PPP1R16A: variants seen among roughly 807,000 people sequenced by gnomAD.
PPP1R16A encodes myosin phosphatase-targeting subunit 3.
Under a neutral mutation model 46.6 loss-of-function variants are expected in PPP1R16A, and 39 were observed. The ratio of observed to expected loss-of-function variants is 0.84; its 90% CI spans 0.65 to 1.09. PPP1R16A has a LOEUF of 1.09. Ranked by LOEUF, PPP1R16A falls within the 50% of genes least tolerant of loss-of-function variation. PPP1R16A has a pLI of 0.00. For missense variants in PPP1R16A, 798 were observed against 735.6 expected (o/e 1.08, Z -0.98); for synonymous variants, 413 against 321.5 (o/e 1.28, Z -3.04).
At chr8:144,480,829 A>G (rs1237455455) in intron 1 of PPP1R16A, among the ~76,000 whole-genome samples, 1 of 151,638 alleles carries the variant, frequency 6.6e-6, no homozygotes, top group Non-Finnish European at 1.5e-5. Flanking sequence ...TGTAACTTAC[A>G]GTAAGATGCA....
intron 1 of PPP1R16A, chr8:144,478,585 G>A (rs1825270501): frequency 6.4e-6 from 1 of 156,332 alleles, no homozygotes; most frequent in Non-Finnish European, 1.4e-5. Context: ...TTCATTTTCA[G>A]ATGAGGAAAT....
rs1039226299 is a variant in PPP1R16A, at chr8:144,486,554, C to T, written c.-913-3480C>T. On this transcript the variant is annotated intron_variant, in intron 1 of 11. Transcript: ENST00000435887. The stretch of plus-strand genomic sequence containing the variant: ...TCCTCACATCCTTGCCGTTTGGATT[C>T]GTGGGCAGCGGTATCTCGCTGTGGC... Among the ~76,000 whole-genome samples the T allele has an allele frequency of 1.8e-4, 28 of 152,286 alleles. 1 individual carries two copies. The highest frequency in any genetic ancestry group is 1.6e-3 in the Admixed American group (25 of 15,296).
chr8:144,501,076 G>A, intron 10 of PPP1R16A, 53 bp from the exon 11 acceptor site: 1 of 1,578,062 alleles, frequency 6.3e-7, no homozygotes, highest in Non-Finnish European at 8.6e-7. Flanking sequence ...GGGGTGGGCG[G>A]GGTCCTCCGG....
At position 144,500,078 on chromosome 8, in the gene PPP1R16A, C is replaced by A. The variant is rs201966715; in HGVS notation, c.477-18C>A. The stretch of plus-strand genomic sequence containing the variant: ...GGGAAGGGCCTTGTGCCCAGCACCC[C>A]GTCCGTCTTCCCTGCAGTGGCGCCA... On this transcript the variant is annotated intron_variant, in intron 5 of 11. Coordinates refer to ENST00000435887, the MANE Select transcript of PPP1R16A (RefSeq NM_001329443.2). The A allele has an allele frequency of 6.3e-7, 1 of 1,594,420 alleles. No homozygotes were observed.
At position 144,501,699 on chromosome 8, in the gene PPP1R16A, C is replaced by T; in HGVS notation, c.1383C>T (p.Arg461=). Reference sequence around the variant, plus strand: ...ACCACACCCTGGCTGACCTGAAGCGCCAGCGAGCTGCTGCCAAGCTGCAGC... The same window carrying T: ...ACCACACCCTGGCTGACCTGAAGCGTCAGCGAGCTGCTGCCAAGCTGCAGC... The part of the protein sequence containing the change: ...KAHHTLADLK[R]QRAAAKLQRP... The change falls in exon 12 of 12, where the codon CGC becomes CGT. Residue 461 remains arginine, a synonymous_variant. Coordinates refer to ENST00000435887, the MANE Select transcript of PPP1R16A (RefSeq NM_001329443.2). 6.2e-7 allele frequency: 1 copy of T among 1,602,890 alleles called. No homozygotes were observed. Among genetic ancestry groups the T allele is most frequent in the South Asian group, 1.1e-5 (1 of 89,304 alleles).
At chr8:144,484,467 CTTCCCT>C (rs1297176499) in intron 1 of PPP1R16A, among the ~76,000 whole-genome samples, 1 of 152,236 alleles carries the variant, frequency 6.6e-6, no homozygotes, top group African/African-American at 2.4e-5. Flanking sequence ...CCTGCCCTCT[CTTCCCT>C]TTCTTTTGGT....
chr8:144,500,342 T>A lies in PPP1R16A; in HGVS notation c.656T>A (p.Leu219Gln). The A allele has an allele frequency of 6.5e-7, 1 of 1,536,500 alleles. No individual in the cohort carries two copies. Among genetic ancestry groups the A allele is most frequent in the Non-Finnish European group, 8.7e-7 (1 of 1,146,168 alleles). ...LRMLDDIRSR[L>Q]QAGADLHAPL... ...ATGCTGGACGACATCCGGAGCCGGC[T>A]GCAGGCCGGGGCAGACCTCCATGCC... Residue 219 changes from leucine to glutamine, a missense_variant, in exon 7 of 12, where the codon CTG (leucine) becomes CAG (glutamine). Leu to Gln is a moderately radical substitution (Grantham distance 113). Coordinates refer to ENST00000435887, the MANE Select transcript of PPP1R16A (RefSeq NM_001329443.2).
chr8:144,499,810 C>T (rs1446351035), intron 5 of PPP1R16A: 3 of 406,884 alleles, frequency 7.4e-6, no homozygotes, highest in Non-Finnish European at 1.4e-5. Context: ...TGCTCCCCAG[C>T]AGGCAGGCCC....
At chr8:144,494,083 G>T (rs989643283) in intron 2 of PPP1R16A, among the ~76,000 whole-genome samples, 1 of 152,174 alleles carries the variant, frequency 6.6e-6, no homozygotes, top group South Asian at 2.1e-4. Context: ...ATGGGCAACA[G>T]AACATCTTTT....
chr8:144,483,034 C>T (rs999663232), intron 1 of PPP1R16A, among the ~76,000 whole-genome samples: 1 of 151,516 alleles, frequency 6.6e-6, no homozygotes, highest in Non-Finnish European at 1.5e-5. Context: ...CCGCCCCCCT[C>T]AACTCCCAAA....
At chr8:144,483,159 C>T (rs1350452973) in intron 1 of PPP1R16A, among the ~76,000 whole-genome samples, 2 of 152,146 alleles carry the variant, frequency 1.3e-5, no homozygotes, top group East Asian at 1.9e-4. Flanking sequence ...GACAGAGTTA[C>T]GTTCTGTTCT....
chr8:144,494,278 T>C (rs1825947085), intron 2 of PPP1R16A, among the ~76,000 whole-genome samples: 1 of 151,680 alleles, frequency 6.6e-6, no homozygotes, highest in African/African-American at 2.4e-5. Flanking sequence ...CGCCGATCTT[T>C]TGTTCTGTAA....
chr8:144,490,629 G>A (rs1825776188), intron 2 of PPP1R16A, among the ~76,000 whole-genome samples: 1 of 152,204 alleles, frequency 6.6e-6, no homozygotes, highest in Non-Finnish European at 1.5e-5. Context: ...CACTCTGGCG[G>A]GACATCCAGC....
At chr8:144,498,706 A>C in intron 3 of PPP1R16A, 64 bp from the exon 4 acceptor site, 1 of 1,487,716 alleles carries the variant, frequency 6.7e-7, no homozygotes, top group Middle Eastern at 1.8e-4. Context: ...TCCTGGGCCG[A>C]AGCACAGTTG....
In PPP1R16A at chr8:144,501,753, T is replaced by G. The variant is rs1268861469; in HGVS notation, c.1437T>G (p.Pro479=). 1 of 1,571,828 alleles carries G rather than the reference T, an allele frequency of 6.4e-7. No homozygotes were observed. Among genetic ancestry groups the G allele is most frequent in the Non-Finnish European group, 8.6e-7 (1 of 1,159,532 alleles). Residue 479 remains proline (P), a synonymous_variant, in exon 12 of 12, where the codon CCT becomes CCG. Coordinates refer to ENST00000435887, the MANE Select transcript of PPP1R16A (RefSeq NM_001329443.2). ...CCCCACCTGAGGGGCCCGAGAGCCC[T>G]GAGACAGCTGAGCCTGGCCTGCCTG... ...QRPPPEGPES[P]ETAEPGLPGD... is the part of the protein sequence containing the mutation.
In PPP1R16A at chr8:144,501,804, CTG is replaced by C. The variant is rs1826511621; in HGVS notation, c.1491_1492del (p.Cys497TrpfsTer?). 2 of 1,556,368 alleles carry C rather than the reference CTG, an allele frequency of 1.3e-6. No individual in the cohort carries two copies. The highest frequency in any genetic ancestry group is 2.4e-5 in the East Asian group (1 of 41,306). ...GTGACACGGTGACCCCCCAGCCTGA[CTG>C]TGGCTTCAGGGCAGGCGGGGACCCA... The part of the protein sequence containing the change: ...PGDTVTPQPD[C>X]GFRAGGDPPL... On this transcript the variant is annotated frameshift_variant, in exon 12 of 12. Transcript: ENST00000435887. LOFTEE classifies it low-confidence loss of function (END_TRUNC).
At chr8:144,499,285 T>G in intron 5 of PPP1R16A, 1 of 590,674 alleles carries the variant, frequency 1.7e-6, no homozygotes, top group Admixed American at 3.3e-5. Context: ...TTCGTCCTCC[T>G]GCCGAGAGGG....
chr8:144,483,600 T>G (rs1240558235), intron 1 of PPP1R16A, among the ~76,000 whole-genome samples: 2 of 152,098 alleles, frequency 1.3e-5, no homozygotes, highest in African/African-American at 2.4e-5. Context: ...GAAATGGGGT[T>G]TTACCCTGTT....
intron 3 of PPP1R16A, 48 bp downstream of exon 3, chr8:144,497,501 C>T: frequency 6.2e-7 from 1 of 1,608,160 alleles, no homozygotes; most frequent in Non-Finnish European, 8.5e-7. Context: ...GGCCCACTCC[C>T]TGCTACCTGG....
Sources: gnomAD v4.1 joint callset for allele counts (sites outside exome capture counted in the v4.1 genomes callset) on GRCh38, gnomAD v4.1.1 for gene constraint, MANE v1.5 for transcripts, NCBI Gene and HGNC (gene_info 2026-07-23, HGNC 2026-07-21) for gene names.